The following KCND2 variants were observed in gnomAD, a reference collection of about 807,000 sequenced individuals.
KCND2 encodes potassium voltage-gated channel subfamily D member 2.
A neutral mutation model predicts 54.4 loss-of-function variants in KCND2; 16 were observed. The observed-to-expected ratio is 0.29, with a 90% confidence interval of 0.20 to 0.45. KCND2 has a LOEUF of 0.45. Among genes scored for constraint, KCND2 ranks in the 20% least tolerant of loss-of-function variants. The pLI, the probability that KCND2 is intolerant of heterozygous loss-of-function variation, is 1.00. For missense variants in KCND2, 486 were observed against 824.2 expected, an observed-to-expected ratio of 0.59 and a Z score of 5.02; for synonymous variants, 317 against 310.7, an observed-to-expected ratio of 1.02 and a Z score of -0.21.
intron 1 of KCND2, among the ~76,000 whole-genome samples, chr7:120,463,443 A>G (rs1190445366): frequency 6.7e-6 from 1 of 149,352 alleles, no homozygotes; most frequent in African/African-American, 2.5e-5. Context: ...ATTGAAAAGT[A>G]TTGCCAGTAA....
At chr7:120,498,492 C>T (rs1424318627) in intron 1 of KCND2, among the ~76,000 whole-genome samples, 2 of 151,028 alleles carry the variant, frequency 1.3e-5, no homozygotes, top group Non-Finnish European at 3.0e-5. Context: ...AAAAGACACT[C>T]GACTGGGCGT....
intron 1 of KCND2, among the ~76,000 whole-genome samples, chr7:120,390,232 C>G (rs977420494): frequency 1.3e-5 from 2 of 151,366 alleles, no homozygotes; most frequent in African/African-American, 4.9e-5. Flanking sequence ...TACCTGGTTC[C>G]ATAAATATAG....
intron 1 of KCND2, among the ~76,000 whole-genome samples, chr7:120,693,882 A>G (rs1467181648): frequency 1.3e-5 from 2 of 152,184 alleles, no homozygotes. Flanking sequence ...GAGATGAAAA[A>G]TATAACCATC....
intron 1 of KCND2, among the ~76,000 whole-genome samples, chr7:120,504,695 A>G (rs958990093): frequency 6.6e-6 from 1 of 151,882 alleles, no homozygotes; most frequent in Non-Finnish European, 1.5e-5. Flanking sequence ...TGAATTAAGG[A>G]TTAGAGGGTG....
At chr7:120,355,796 G>C (rs1800495064) in intron 1 of KCND2, among the ~76,000 whole-genome samples, 1 of 152,116 alleles carries the variant, frequency 6.6e-6, no homozygotes, top group Non-Finnish European at 1.5e-5. Context: ...TCTTCTGTGA[G>C]GAAATTCATG....
intron 1 of KCND2, among the ~76,000 whole-genome samples, chr7:120,705,265 G>C (rs1213894856): frequency 1.3e-5 from 2 of 152,304 alleles, no homozygotes; most frequent in African/African-American, 4.8e-5. Context: ...AACACGAGTG[G>C]TTGAATTAGA....
intron 1 of KCND2, among the ~76,000 whole-genome samples, chr7:120,680,697 A>G (rs1792128494): frequency 6.6e-6 from 1 of 152,122 alleles, no homozygotes; most frequent in African/African-American, 2.4e-5. Context: ...ACTTATTTTC[A>G]GCATAATACA....
intron 1 of KCND2, among the ~76,000 whole-genome samples, chr7:120,654,011 G>A (rs528078869): frequency 8.5e-5 from 13 of 152,252 alleles, no homozygotes; most frequent in Middle Eastern, 6.8e-3. Flanking sequence ...TGACTTAAAT[G>A]CCTTCAGAAC....
intron 2 of KCND2, among the ~76,000 whole-genome samples, chr7:120,735,650 A>G (rs1291517885): frequency 6.6e-6 from 1 of 152,124 alleles, no homozygotes; most frequent in Non-Finnish European, 1.5e-5. Flanking sequence ...AAATAATGTG[A>G]CATTCTAAAA....
At chr7:120,541,026 C>A (rs58530897) in intron 1 of KCND2, among the ~76,000 whole-genome samples, 7,825 of 152,142 alleles carry the variant, frequency 0.051, 685 homozygotes, top group African/African-American at 0.18. Context: ...AGAACAATAT[C>A]ATTCCTTTAT....
intron 1 of KCND2, among the ~76,000 whole-genome samples, chr7:120,615,572 T>A (rs1793013691): frequency 6.6e-6 from 1 of 152,184 alleles, no homozygotes; most frequent in African/African-American, 2.4e-5. Flanking sequence ...CTAGGGTGCA[T>A]CCTTATTTGA....
At chr7:120,384,207 T>C (rs569445022) in intron 1 of KCND2, among the ~76,000 whole-genome samples, 1 of 152,016 alleles carries the variant, frequency 6.6e-6, no homozygotes, top group South Asian at 2.1e-4. Flanking sequence ...TCATTGTTTT[T>C]TTCCCCCCCA....
intron 1 of KCND2, among the ~76,000 whole-genome samples, chr7:120,446,214 C>T (rs1428531467): frequency 6.6e-6 from 1 of 152,110 alleles, no homozygotes; most frequent in African/African-American, 2.4e-5. Flanking sequence ...CTAATCTCTG[C>T]CTGCTCAAAA....
At chr7:120,454,684 C>T (rs979586051) in intron 1 of KCND2, among the ~76,000 whole-genome samples, 1 of 152,034 alleles carries the variant, frequency 6.6e-6, no homozygotes, top group Non-Finnish European at 1.5e-5. Context: ...AAAGGGACTC[C>T]TCCCTAACTC....
At chr7:120,422,685 C>T (rs1376230921) in intron 1 of KCND2, among the ~76,000 whole-genome samples, 1 of 152,198 alleles carries the variant, frequency 6.6e-6, no homozygotes, top group Non-Finnish European at 1.5e-5. Context: ...CCCTCCACCT[C>T]GCTCTGCTTT....
chr7:120,375,774 T>C (rs1800828119), intron 1 of KCND2, among the ~76,000 whole-genome samples: 1 of 151,824 alleles, frequency 6.6e-6, no homozygotes, highest in Non-Finnish European at 1.5e-5. Flanking sequence ...GTAATGATTA[T>C]GATATTACTC....
intron 1 of KCND2, among the ~76,000 whole-genome samples, chr7:120,547,871 A>G (rs1584822796): frequency 5.3e-5 from 8 of 151,846 alleles, no homozygotes; most frequent in Admixed American, 5.3e-4. Flanking sequence ...TCACCTTTGT[A>G]TGTCTTAGAG....
intron 1 of KCND2, among the ~76,000 whole-genome samples, chr7:120,446,005 G>A (rs1285610160): frequency 6.6e-6 from 1 of 151,994 alleles, no homozygotes; most frequent in Non-Finnish European, 1.5e-5. Flanking sequence ...GCACTAGTAG[G>A]CACTCAATAA....
At chr7:120,733,745 C>G (rs1417238309) in intron 2 of KCND2, among the ~76,000 whole-genome samples, 1 of 151,990 alleles carries the variant, frequency 6.6e-6, no homozygotes, top group African/African-American at 2.4e-5. Flanking sequence ...AGCAGCTTAC[C>G]GTTTGTTTGA....
Sources: allele counts gnomAD v4.1 joint callset (sites outside exome capture counted in the v4.1 genomes callset), GRCh38; gene constraint gnomAD v4.1.1; transcripts MANE v1.5; gene names NCBI Gene and HGNC (gene_info 2026-07-23, HGNC 2026-07-21).